Variants in IL15 observed in about 807,000 individuals in gnomAD.
IL15 encodes interleukin-15.
IL15 carries 11 observed loss-of-function variants against 19.6 expected under a neutral mutation model. That is an observed-to-expected ratio of 0.56 (90% confidence interval 0.35 to 0.93). The LOEUF is 0.93. Among genes scored for constraint, IL15 ranks in the 40% least tolerant of loss-of-function variants. IL15 has a pLI of 0.01. For missense variants in IL15, 197 were observed against 186.5 expected (o/e 1.06, Z -0.33); for synonymous variants, 58 against 59.6 (o/e 0.97, Z 0.12).
At chr4:141,695,681 T>A (rs1033782911) in intron 2 of IL15, among the ~76,000 whole-genome samples, 18 of 152,162 alleles carry the variant, frequency 1.2e-4, no homozygotes, top group African/African-American at 4.3e-4. Context: ...CTGTGCTAGT[T>A]AACAATCTAA....
chr4:141,643,982 T>C (rs1175826657), intron 1 of IL15, among the ~76,000 whole-genome samples: 1 of 151,894 alleles, frequency 6.6e-6, no homozygotes, highest in East Asian at 1.9e-4. Flanking sequence ...ATTCTCTTAG[T>C]TCCATAGATA....
intron 2 of IL15, chr4:141,718,744 G>A (rs1729976513): frequency 6.6e-6 from 1 of 152,074 alleles, no homozygotes; most frequent in African/African-American, 2.4e-5. Flanking sequence ...GGTTTTTTGT[G>A]GAAGAGGTCA....
At chr4:141,682,643 A>G (rs1728569882) in intron 2 of IL15, among the ~76,000 whole-genome samples, 1 of 152,138 alleles carries the variant, frequency 6.6e-6, no homozygotes, top group Admixed American at 6.5e-5. Flanking sequence ...CACAATGGAA[A>G]GCCAACACTG....
intron 1 of IL15, among the ~76,000 whole-genome samples, chr4:141,642,688 G>T (rs1273863801): frequency 1.3e-5 from 2 of 152,154 alleles, no homozygotes; most frequent in Non-Finnish European, 2.9e-5. Context: ...GCCATTCTTT[G>T]TCAGCCTTCA....
intron 2 of IL15, among the ~76,000 whole-genome samples, chr4:141,709,948 G>A (rs1729658482): frequency 6.6e-6 from 1 of 151,772 alleles, no homozygotes; most frequent in South Asian, 2.1e-4. Flanking sequence ...CTAACTCAGT[G>A]TCCAGTTTCT....
At chr4:141,728,561 A>G (rs1730345009) in intron 6 of IL15, among the ~76,000 whole-genome samples, 1 of 152,132 alleles carries the variant, frequency 6.6e-6, no homozygotes, top group South Asian at 2.1e-4. Flanking sequence ...AGGATTTGTC[A>G]TGTTGGTGGT....
At chr4:141,706,034 A>G (rs1253300261) in intron 2 of IL15, among the ~76,000 whole-genome samples, 1 of 151,758 alleles carries the variant, frequency 6.6e-6, no homozygotes, top group Non-Finnish European at 1.5e-5. Context: ...TTAACTGGAG[A>G]ATTTAGTCCA....
intron 1 of IL15, among the ~76,000 whole-genome samples, chr4:141,638,607 A>T (rs554196237): frequency 1.3e-5 from 2 of 152,232 alleles, no homozygotes; most frequent in Admixed American, 6.5e-5. Context: ...AATGTAGCCA[A>T]TGTCAACAGC....
At chr4:141,719,904 A>T (rs545458075) in intron 3 of IL15, among the ~76,000 whole-genome samples, 2 of 152,198 alleles carry the variant, frequency 1.3e-5, no homozygotes, top group Non-Finnish European at 2.9e-5. Context: ...AACTCTGGTA[A>T]GTTGTAGGAT....
intron 1 of IL15, among the ~76,000 whole-genome samples, chr4:141,646,239 T>G (rs1727221578): frequency 1.3e-5 from 2 of 152,034 alleles, no homozygotes; most frequent in African/African-American, 4.8e-5. Context: ...CATCTCACTC[T>G]AATAAAAGCC....
intron 5 of IL15, among the ~76,000 whole-genome samples, chr4:141,722,217 C>G (rs971949956): frequency 6.6e-6 from 1 of 152,072 alleles, no homozygotes; most frequent in Non-Finnish European, 1.5e-5. Context: ...GCGGCCCAGA[C>G]GGATGAGTTC....
intron 5 of IL15, among the ~76,000 whole-genome samples, chr4:141,727,725 C>T (rs1258532852): frequency 2.6e-5 from 4 of 152,014 alleles, no homozygotes; most frequent in Admixed American, 2.6e-4. Context: ...GATTGTAATA[C>T]TGTACTGTGG....
chr4:141,713,054 TA>T (rs1729761324), intron 2 of IL15, among the ~76,000 whole-genome samples: 1 of 152,174 alleles, frequency 6.6e-6, no homozygotes, highest in Non-Finnish European at 1.5e-5. Flanking sequence ...TAAAAATCAT[TA>T]TAGTAACCCA....
At chr4:141,703,552 G>T (rs1057092587) in intron 2 of IL15, among the ~76,000 whole-genome samples, 6 of 152,038 alleles carry the variant, frequency 3.9e-5, no homozygotes, top group African/African-American at 1.5e-4. Flanking sequence ...TGGATTTTCA[G>T]ATTCCTTAGT....
At chr4:141,647,793 C>T (rs1275414681) in intron 1 of IL15, among the ~76,000 whole-genome samples, 1 of 152,084 alleles carries the variant, frequency 6.6e-6, no homozygotes, top group East Asian at 1.9e-4. Flanking sequence ...GAGACACTAT[C>T]TTTACCTCCT....
At chr4:141,672,765 C>T (rs185260674) in intron 2 of IL15, among the ~76,000 whole-genome samples, 105 of 152,298 alleles carry the variant, frequency 6.9e-4, no homozygotes, top group African/African-American at 2.2e-3. Context: ...GTATGTTGAT[C>T]GTAGACTCTA....
chr4:141,656,660 C>T (rs905455498), intron 2 of IL15, among the ~76,000 whole-genome samples: 2 of 152,140 alleles, frequency 1.3e-5, no homozygotes, highest in Non-Finnish European at 2.9e-5. Context: ...TTTACAAAAA[C>T]AGGCGGCTGA....
At chr4:141,644,942 C>G (rs1727177308) in intron 1 of IL15, among the ~76,000 whole-genome samples, 1 of 152,144 alleles carries the variant, frequency 6.6e-6, no homozygotes, top group African/African-American at 2.4e-5. Context: ...TCCTCTGTGG[C>G]TCTTAACTTC....
chr4:141,721,690 T>C (rs1730086625), intron 4 of IL15: 5 of 552,582 alleles, frequency 9.0e-6, no homozygotes, highest in East Asian at 3.2e-5. Flanking sequence ...TGCCTACAGT[T>C]AGGCTTTTCT....
Sources: allele counts gnomAD v4.1 joint callset (sites outside exome capture counted in the v4.1 genomes callset), GRCh38; gene constraint gnomAD v4.1.1; transcripts MANE v1.5; gene names NCBI Gene and HGNC (gene_info 2026-07-23, HGNC 2026-07-21).